The following EFCAB8 variants were observed in gnomAD, a reference collection of about 807,000 sequenced individuals.
The protein encoded by EFCAB8 is EF-hand calcium-binding domain-containing protein 8.
In EFCAB8, 100 loss-of-function variants were observed where a neutral mutation model predicts 116.3. That is an observed-to-expected ratio of 0.86 (90% confidence interval 0.73 to 1.02). The LOEUF (loss-of-function observed/expected upper bound fraction) is 1.02, where lower values mean the gene tolerates loss of function less well. Ranked by LOEUF, EFCAB8 falls within the 50% of genes least tolerant of loss-of-function variation. The pLI, the probability that EFCAB8 is intolerant of heterozygous loss-of-function variation, is 0.00. For missense variants in EFCAB8, 1,320 were observed against 1,416.9 expected (o/e 0.93, Z 1.10); for synonymous variants, 558 against 567.9 (o/e 0.98, Z 0.25).
intron 22 of EFCAB8, among the ~76,000 whole-genome samples, chr20:32,933,992 C>G (rs1333744707): frequency 1.4e-5 from 2 of 144,498 alleles, no homozygotes; most frequent in African/African-American, 5.2e-5. Context: ...ATCAATCAAT[C>G]AAATCAAAGC....
Position 32,959,998 on chromosome 20 carries a change from G to T in EFCAB8, c.3294+16G>T. The T allele has an allele frequency of 6.4e-7, 1 of 1,551,492 alleles. No homozygotes were observed. The highest frequency in any genetic ancestry group is 8.7e-7 in the Non-Finnish European group (1 of 1,146,892). On this transcript the variant is annotated intron_variant, in intron 25 of 26. Coordinates refer to ENST00000400522, the MANE Select transcript of EFCAB8 (RefSeq NM_001143967.2). ...GGACAAGCAGGTGAGGCTGGGAGGG[G>T]AGCACAGGGAGGAGTGCAGGGACCC... is the stretch of plus-strand genomic sequence containing the variant.
rs142351416 is a variant in EFCAB8, at chr20:32,920,720, A to G, written c.2412+505A>G. On this transcript the variant is annotated intron_variant, in intron 20 of 26. Coordinates refer to ENST00000400522, the MANE Select transcript of EFCAB8 (RefSeq NM_001143967.2). ...ACACGGGGGAATTCTGGGAGATACC[A>G]TTCAAGTTGAGATTTGAGTGGGGAC... is the stretch of plus-strand genomic sequence containing the variant. 5.2e-3 allele frequency among the ~76,000 whole-genome samples: 790 copies of G among 152,236 alleles called. 6 individuals are homozygous for G. Among genetic ancestry groups the G allele is most frequent in the African/African-American group, 0.016 (666 of 41,534 alleles).
At chr20:32,891,122 A>G (rs1303689776) in intron 7 of EFCAB8, among the ~76,000 whole-genome samples, 1 of 151,778 alleles carries the variant, frequency 6.6e-6, no homozygotes, top group Non-Finnish European at 1.5e-5. Context: ...TTTATTTTTT[A>G]TTTTTTTGAG....
At position 32,961,349 on chromosome 20, in the gene EFCAB8, T is replaced by C. The variant is rs546645867; in HGVS notation, c.3607T>C (p.Leu1203=). The stretch of plus-strand genomic sequence containing the variant: ...GGCCGCCTCCTCCCCATCTTCCTTG[T>C]TATCTGTCACTGCCTCAGCCTCCAG... The part of the protein sequence containing the change: ...PAAASSPSSL[L]SVTASASRLL... The change falls in exon 27 of 27, where the codon TTA becomes CTA. Residue 1203 remains leucine (L), a synonymous_variant. Coordinates refer to ENST00000400522, the MANE Select transcript of EFCAB8 (RefSeq NM_001143967.2). 1 of 1,477,250 alleles carries C rather than the reference T, an allele frequency of 6.8e-7. No individual in the cohort carries two copies. The highest frequency in any genetic ancestry group is 2.5e-5 in the East Asian group (1 of 40,388). The allele number at this position is 1,477,250 out of a possible 1,614,324, so 91.5% of individuals were successfully genotyped here. A position where few individuals can be genotyped will look rare whatever the true frequency, so the allele number is the denominator to read the frequency against.
At chr20:32,948,560 GAAAGAAAGAA>G (rs1988687257) in intron 23 of EFCAB8, among the ~76,000 whole-genome samples, 1 of 145,058 alleles carries the variant, frequency 6.9e-6, no homozygotes, top group Non-Finnish European at 1.5e-5. Context: ...AAGAAAGAAA[GAAAGAAAGAA>G]AGAAAGAAAG....
chr20:32,932,967 T>A (rs1987966207), intron 22 of EFCAB8, among the ~76,000 whole-genome samples: 1 of 152,224 alleles, frequency 6.6e-6, no homozygotes, highest in Admixed American at 6.5e-5. Context: ...ACCCACAGTG[T>A]CAGTATGTGA....
chr20:32,934,088 C>T (rs1421178516), intron 22 of EFCAB8, among the ~76,000 whole-genome samples: 1 of 150,922 alleles, frequency 6.6e-6, no homozygotes, highest in Non-Finnish European at 1.5e-5. Context: ...AAGGAATCCT[C>T]CTGCCTTGAC....
chr20:32,958,082 G>A (rs568578707), intron 23 of EFCAB8, among the ~76,000 whole-genome samples: 112 of 152,072 alleles, frequency 7.4e-4, no homozygotes, highest in Non-Finnish European at 1.2e-3. Flanking sequence ...GTGTCTGACC[G>A]TTTTATGCCA....
chr20:32,935,154 A>G (rs1372685665), intron 22 of EFCAB8, among the ~76,000 whole-genome samples: 1 of 105,270 alleles, frequency 9.5e-6, no homozygotes, highest in Non-Finnish European at 2.0e-5. Context: ...TGCTTTCTCC[A>G]TTTTCTCTTC....
intron 22 of EFCAB8, among the ~76,000 whole-genome samples, chr20:32,941,834 T>C (rs540317979): frequency 6.6e-6 from 1 of 152,346 alleles, no homozygotes; most frequent in East Asian, 1.9e-4. Context: ...ATGAGCACTT[T>C]AAATTGGTAA....
At chr20:32,896,643 T>C (rs1373170611) in intron 10 of EFCAB8, 116 bp downstream of exon 10, 2 of 643,850 alleles carry the variant, frequency 3.1e-6, no homozygotes, top group East Asian at 5.5e-5. Context: ...CCCTTGGGGT[T>C]TGGTCTCTGG....
chr20:32,901,537 G>T (rs1986426138), intron 11 of EFCAB8, among the ~76,000 whole-genome samples: 1 of 145,796 alleles, frequency 6.9e-6, no homozygotes. Context: ...GGCCAGGAGG[G>T]CCTCTGTGGG....
chr20:32,892,120 G>A, intron 7 of EFCAB8, 93 bp from the exon 8 acceptor site: 1 of 1,146,972 alleles, frequency 8.7e-7, no homozygotes, highest in African/African-American at 1.5e-5. Flanking sequence ...AGGGGCCAGA[G>A]ATTCCTTGGG....
chr20:32,939,810 T>G lies in EFCAB8; in HGVS notation c.2791-3826T>G, dbSNP rs1343351807. ...CCCAGATTCAAGCGATTCTCCTGCCTCAGCCTCCCGAGTAGCTGGGATTAC... is the reference window on the plus strand; with the variant it reads ...CCCAGATTCAAGCGATTCTCCTGCCGCAGCCTCCCGAGTAGCTGGGATTAC... On this transcript the variant is annotated intron_variant, in intron 22 of 26. Coordinates refer to ENST00000400522, the MANE Select transcript of EFCAB8 (RefSeq NM_001143967.2). Among the ~76,000 whole-genome samples, 3 of 147,962 alleles carry G rather than the reference T, an allele frequency of 2.0e-5. 1 individual carries two copies. The highest frequency in any genetic ancestry group is 7.6e-5 in the African/African-American group (3 of 39,600).
chr20:32,861,659 G>A (rs1164324196), intron 1 of EFCAB8, among the ~76,000 whole-genome samples: 1 of 152,202 alleles, frequency 6.6e-6, no homozygotes, highest in African/African-American at 2.4e-5. Context: ...AGCTACTTGG[G>A]AGGCTGAGAT....
intron 23 of EFCAB8, among the ~76,000 whole-genome samples, chr20:32,957,745 T>A (rs1315188743): frequency 6.6e-6 from 1 of 152,080 alleles, no homozygotes; most frequent in African/African-American, 2.4e-5. Context: ...CAAGTCTGAT[T>A]CTCATTCAGC....
At chr20:32,949,721 A>T (rs8115664) in intron 23 of EFCAB8, among the ~76,000 whole-genome samples, 1 of 152,276 alleles carries the variant, frequency 6.6e-6, no homozygotes, top group African/African-American at 2.4e-5. Flanking sequence ...AAAATGGGCC[A>T]TGCATGATGG....
rs757404664 is a variant in EFCAB8 at position 32,893,409 on chromosome 20, C to T, written c.883+111C>T. ...ACTCCCTGCCTCTGCTCTGGAGTCTCTGGGAAGGCGTCTGCTTCCAAGCGC... is the reference window on the plus strand; with the variant it reads ...ACTCCCTGCCTCTGCTCTGGAGTCTTTGGGAAGGCGTCTGCTTCCAAGCGC... On this transcript the variant is annotated intron_variant, in intron 9 of 26. Transcript: ENST00000400522. The T allele has an allele frequency of 4.1e-6, 6 of 1,451,506 alleles. No individual in the cohort carries two copies. In the East Asian group the frequency reaches 1.2e-4, roughly 30 times the overall value. 89.9% of individuals were successfully genotyped at this position (1,451,506 alleles called of 1,614,324 possible). A position where few individuals can be genotyped will look rare whatever the true frequency, so the allele number is the denominator to read the frequency against.
intron 15 of EFCAB8, 60 bp from the exon 16 acceptor site, chr20:32,911,420 C>T: frequency 7.2e-7 from 1 of 1,396,662 alleles, no homozygotes; most frequent in Non-Finnish European, 9.4e-7. Flanking sequence ...GGCTGGAGAC[C>T]ACCCTTGGGA....
Sources: gnomAD v4.1 joint callset for allele counts (sites outside exome capture counted in the v4.1 genomes callset) on GRCh38, gnomAD v4.1.1 for gene constraint, MANE v1.5 for transcripts, NCBI Gene and HGNC (gene_info 2026-07-23, HGNC 2026-07-21) for gene names.